Variants in GNG12 observed in about 807,000 individuals in gnomAD.
GNG12 encodes guanine nucleotide-binding protein G(I)/G(S)/G(O) subunit gamma-12.
For missense variants in GNG12, 69 were observed against 83.8 expected (o/e 0.82, Z 0.69); for synonymous variants, 28 against 29.7 (o/e 0.94, Z 0.19).
chr1:67,744,969 G>A (rs996459184), intron 2 of GNG12, among the ~76,000 whole-genome samples: 1 of 152,186 alleles, frequency 6.6e-6, no homozygotes, highest in African/African-American at 2.4e-5. Context: ...CTATATGACT[G>A]AGGGCAAGTC....
chr1:67,727,755 T>A (rs1161925002), intron 2 of GNG12, among the ~76,000 whole-genome samples: 3 of 152,252 alleles, frequency 2.0e-5, no homozygotes, highest in Admixed American at 6.5e-5. Flanking sequence ...GATAGCAATT[T>A]ACAAGGCGCT....
intron 1 of GNG12, among the ~76,000 whole-genome samples, chr1:67,825,245 C>A (rs958741703): frequency 6.6e-6 from 1 of 152,198 alleles, no homozygotes; most frequent in African/African-American, 2.4e-5. Flanking sequence ...CTTTGGGAAT[C>A]TGAGTATGTC....
chr1:67,803,084 GAGT>G (rs1374231188), intron 1 of GNG12, among the ~76,000 whole-genome samples: 1 of 152,236 alleles, frequency 6.6e-6, no homozygotes, highest in Non-Finnish European at 1.5e-5. Context: ...CCCCACTAGG[GAGT>G]AGAAGCTGGT....
chr1:67,722,990 T>C (rs1005074743), intron 2 of GNG12, among the ~76,000 whole-genome samples: 10 of 152,306 alleles, frequency 6.6e-5, no homozygotes, highest in African/African-American at 2.4e-4. Context: ...CTCACAGGAC[T>C]GTAATGATTA....
chr1:67,780,785 G>C (rs879704620), intron 1 of GNG12, among the ~76,000 whole-genome samples: 14 of 152,208 alleles, frequency 9.2e-5, no homozygotes, highest in Admixed American at 4.6e-4. Flanking sequence ...GAGCTTGGCA[G>C]ACTTGCTCAC....
At chr1:67,812,334 G>C (rs909375245) in intron 1 of GNG12, among the ~76,000 whole-genome samples, 1 of 152,180 alleles carries the variant, frequency 6.6e-6, no homozygotes, top group Non-Finnish European at 1.5e-5. Flanking sequence ...TCTACTTTGA[G>C]CCTCTCCTAA....
intron 1 of GNG12, among the ~76,000 whole-genome samples, chr1:67,804,089 T>A (rs1006068366): frequency 6.6e-6 from 1 of 152,032 alleles, no homozygotes; most frequent in African/African-American, 2.4e-5. Context: ...GGTCAAGAGA[T>A]GAGGGCAGGG....
At chr1:67,743,335 G>A (rs560223015) in intron 2 of GNG12, among the ~76,000 whole-genome samples, 8 of 152,292 alleles carry the variant, frequency 5.3e-5, no homozygotes, top group African/African-American at 1.9e-4. Flanking sequence ...TGTCAGCTGG[G>A]TAGGCAAAAT....
chr1:67,801,789 A>T (rs1646867155), intron 1 of GNG12, among the ~76,000 whole-genome samples: 1 of 152,218 alleles, frequency 6.6e-6, no homozygotes, highest in Non-Finnish European at 1.5e-5. Flanking sequence ...CCGTATCTGC[A>T]GAATGGGATG....
intron 1 of GNG12, among the ~76,000 whole-genome samples, chr1:67,820,313 C>T (rs557042405): frequency 1.6e-4 from 24 of 151,354 alleles, no homozygotes; most frequent in Non-Finnish European, 2.1e-4. Context: ...TGCTTGAACC[C>T]GGATGGCGGA....
intron 2 of GNG12, among the ~76,000 whole-genome samples, chr1:67,776,294 C>T (rs180991915): frequency 6.6e-6 from 1 of 152,298 alleles, no homozygotes; most frequent in East Asian, 1.9e-4. Flanking sequence ...CCATGCTCTT[C>T]TCATTCACCA....
Position 67,702,221 on chromosome 1 carries a change from C to T in GNG12, c.*3230G>A, listed in dbSNP as rs1486510975. 1 of 152,126 alleles carries T rather than the reference C, an allele frequency of 6.6e-6. No individual in the cohort carries two copies. The highest frequency in any genetic ancestry group is 2.4e-5 in the African/African-American group (1 of 41,408). 9.4% of individuals were successfully genotyped at this position (152,126 alleles called of 1,614,324 possible). A position where few individuals can be genotyped will look rare whatever the true frequency, so the allele number is the denominator to read the frequency against. ...TTAACAGGTCTACCATAAAAGAAAG[C>T]AATAAAACCCATAATGTACTCTGGT... On this transcript the variant is annotated 3_prime_UTR_variant, in exon 4 of 4. Transcript: ENST00000370982.
intron 2 of GNG12, among the ~76,000 whole-genome samples, chr1:67,762,798 T>C (rs1354507855): frequency 6.6e-6 from 1 of 152,190 alleles, no homozygotes; most frequent in Non-Finnish European, 1.5e-5. Context: ...TGCTGTTATA[T>C]TTCCTTCTAA....
intron 1 of GNG12, among the ~76,000 whole-genome samples, chr1:67,829,795 G>C (rs2100832700): frequency 6.6e-6 from 1 of 152,206 alleles, no homozygotes; most frequent in South Asian, 2.1e-4. Context: ...AATGTCATAG[G>C]CAAGAAACAA....
At chr1:67,710,051 T>C (rs576196853) in intron 2 of GNG12, among the ~76,000 whole-genome samples, 1 of 45,388 alleles carries the variant, frequency 2.2e-5, no homozygotes, top group Non-Finnish European at 4.1e-5. Flanking sequence ...TATATATAGT[T>C]ATATATATAT....
chr1:67,733,739 AG>A (rs1257166691), intron 2 of GNG12, among the ~76,000 whole-genome samples: 2 of 152,200 alleles, frequency 1.3e-5, no homozygotes, highest in African/African-American at 4.8e-5. Context: ...GAGTCATTGC[AG>A]GACCAACTTC....
chr1:67,770,658 G>A (rs980747705), intron 2 of GNG12, among the ~76,000 whole-genome samples: 1 of 152,170 alleles, frequency 6.6e-6, no homozygotes, highest in African/African-American at 2.4e-5. Flanking sequence ...GGGGGGCCCA[G>A]AGCAAGGCCC....
At chr1:67,754,074 G>A (rs1055135005) in intron 2 of GNG12, among the ~76,000 whole-genome samples, 2 of 152,072 alleles carry the variant, frequency 1.3e-5, no homozygotes, top group African/African-American at 4.8e-5. Flanking sequence ...TTCTGTTCCC[G>A]GTCGTGCCCG....
chr1:67,759,592 TGA>T (rs1214983729), intron 2 of GNG12, among the ~76,000 whole-genome samples: 1 of 152,180 alleles, frequency 6.6e-6, no homozygotes, highest in Non-Finnish European at 1.5e-5. Flanking sequence ...AGAGTTGCTG[TGA>T]GAGTTAAATG....
Sources: allele counts gnomAD v4.1 joint callset (sites outside exome capture counted in the v4.1 genomes callset), GRCh38; gene constraint gnomAD v4.1.1; transcripts MANE v1.5; gene names NCBI Gene and HGNC (gene_info 2026-07-23, HGNC 2026-07-21).